Variants in ANO4 observed in about 807,000 individuals in gnomAD.
The protein encoded by ANO4 is anoctamin-4.
In ANO4, 69 loss-of-function variants were observed where a neutral mutation model predicts 141.9. The observed-to-expected ratio is 0.49, with a 90% confidence interval of 0.40 to 0.59. ANO4 has a LOEUF of 0.59. Ranked by LOEUF, ANO4 falls within the 20% of genes least tolerant of loss-of-function variation. The pLI is 0.00. For synonymous variants in ANO4, 350 were observed against 394.3 expected, an observed-to-expected ratio of 0.89 and a Z score of 1.33; for missense variants, 894 against 1,162.2, an observed-to-expected ratio of 0.77 and a Z score of 3.36.
At chr12:101,050,459 G>T (rs2047813876) in intron 14 of ANO4, among the ~76,000 whole-genome samples, 2 of 152,092 alleles carry the variant, frequency 1.3e-5, no homozygotes, top group South Asian at 4.1e-4. Flanking sequence ...TTACAGGCCT[G>T]AGCTCTCAGA....
At chr12:101,002,460 C>T (rs538961494) in intron 8 of ANO4, among the ~76,000 whole-genome samples, 1 of 152,320 alleles carries the variant, frequency 6.6e-6, no homozygotes, top group South Asian at 2.1e-4. Context: ...CTTCACATGG[C>T]ATACAAAACT....
exon 3 of ANO4, chr12:100,740,004 C>G (rs754611960): frequency 1.4e-6 from 1 of 702,634 alleles, no homozygotes; most frequent in Admixed American, 2.0e-5. Context: ...ACCCGCAAGA[C>G]TGACCAGGCC....
intron 3 of ANO4, among the ~76,000 whole-genome samples, chr12:100,749,452 A>G (rs898440907): frequency 2.3e-4 from 35 of 152,346 alleles, no homozygotes; most frequent in African/African-American, 7.7e-4. Context: ...CAAATTTCCT[A>G]TTTTCCTAAA....
At chr12:101,000,583 T>C (rs1474601065) in intron 8 of ANO4, among the ~76,000 whole-genome samples, 1 of 152,214 alleles carries the variant, frequency 6.6e-6, no homozygotes. Flanking sequence ...TGCAGTTACT[T>C]ATTCGGCATT....
In ANO4 at chr12:101,043,531, T is replaced by C. The variant is rs2047497844; in HGVS notation, c.1155-8T>C. 1.2e-6 allele frequency: 2 copies of C among 1,606,574 alleles called. No homozygotes were observed. The highest frequency in any genetic ancestry group is 1.7e-6 in the Non-Finnish European group (2 of 1,173,464). On this transcript the variant is annotated splice_region_variant and splice_polypyrimidine_tract_variant and intron_variant, in intron 12 of 27. Transcript: ENST00000392977. ...TCAAAAAGCAGTCCTTTCTGTTCTCTTTTCCAGTAAAGAAGTCTGCCAAGC... is the reference window on the plus strand; with the variant it reads ...TCAAAAAGCAGTCCTTTCTGTTCTCCTTTCCAGTAAAGAAGTCTGCCAAGC...
intron 1 of ANO4, among the ~76,000 whole-genome samples, chr12:100,804,973 G>A (rs116252795): frequency 0.022 from 3,357 of 152,104 alleles, 92 homozygotes; most frequent in African/African-American, 0.063. Flanking sequence ...CCATTTGTCC[G>A]TTTTTGCTTT....
At chr12:100,966,976 T>A (rs1278816292) in intron 5 of ANO4, among the ~76,000 whole-genome samples, 2 of 151,962 alleles carry the variant, frequency 1.3e-5, no homozygotes, top group African/African-American at 4.8e-5. Flanking sequence ...ATGGCATTTC[T>A]CCTGCCTTAC....
chr12:100,755,126 TC>T (rs1419433365), intron 3 of ANO4, among the ~76,000 whole-genome samples: 1 of 152,198 alleles, frequency 6.6e-6, no homozygotes, highest in East Asian at 1.9e-4. Context: ...GTAGTTTGAG[TC>T]CAGATTTCAT....
At chr12:101,124,725 G>T (rs1305069239) in intron 26 of ANO4, among the ~76,000 whole-genome samples, 1 of 152,080 alleles carries the variant, frequency 6.6e-6, no homozygotes, top group Non-Finnish European at 1.5e-5. Context: ...ATTAAGTAGG[G>T]AATCCTTTCC....
chr12:100,970,620 ATC>A (rs1420026613), intron 5 of ANO4, among the ~76,000 whole-genome samples: 2 of 150,826 alleles, frequency 1.3e-5, no homozygotes, highest in Admixed American at 1.3e-4. Context: ...ACTCAATATT[ATC>A]TGAGTCTTCC....
At chr12:100,806,130 CA>C (rs949548066) in intron 1 of ANO4, among the ~76,000 whole-genome samples, 98 of 152,244 alleles carry the variant, frequency 6.4e-4, no homozygotes, top group African/African-American at 2.3e-3. Flanking sequence ...TTTGTATAAA[CA>C]GGGGCAGGTG....
intron 1 of ANO4, among the ~76,000 whole-genome samples, chr12:100,822,973 A>G (rs920462183): frequency 2.0e-5 from 3 of 151,896 alleles, no homozygotes; most frequent in South Asian, 2.1e-4. Context: ...CTCTTTCTGC[A>G]TTATTTGCTT....
At chr12:100,933,643 G>A (rs545014796) in intron 3 of ANO4, among the ~76,000 whole-genome samples, 5 of 152,202 alleles carry the variant, frequency 3.3e-5, no homozygotes, top group Non-Finnish European at 7.3e-5. Context: ...CCAGTAATGG[G>A]ATTGCTGGAA....
intron 17 of ANO4, among the ~76,000 whole-genome samples, chr12:101,087,314 T>C (rs977498104): frequency 6.6e-6 from 1 of 150,614 alleles, no homozygotes; most frequent in Admixed American, 6.6e-5. Flanking sequence ...GCCCAGGAGT[T>C]CAAGACCAGC....
At chr12:101,056,641 C>T (rs903421431) in intron 14 of ANO4, among the ~76,000 whole-genome samples, 2 of 151,954 alleles carry the variant, frequency 1.3e-5, no homozygotes, top group East Asian at 3.9e-4. Flanking sequence ...AAGTTATGTA[C>T]TAGACATCCT....
At chr12:100,869,612 G>C (rs1013391927) in intron 1 of ANO4, among the ~76,000 whole-genome samples, 2 of 152,166 alleles carry the variant, frequency 1.3e-5, no homozygotes, top group Non-Finnish European at 2.9e-5. Flanking sequence ...CTTTTGTTAG[G>C]CTCTGAGCTT....
intron 15 of ANO4, among the ~76,000 whole-genome samples, chr12:101,079,961 C>T (rs1364397845): frequency 6.6e-6 from 1 of 152,312 alleles, no homozygotes; most frequent in Non-Finnish European, 1.5e-5. Context: ...GTGGTCACCA[C>T]GGTCCCCTCT....
At chr12:101,102,579 A>G (rs1285135344) in intron 22 of ANO4, among the ~76,000 whole-genome samples, 1 of 151,720 alleles carries the variant, frequency 6.6e-6, no homozygotes, top group African/African-American at 2.4e-5. Flanking sequence ...TTTGTTATTT[A>G]TATATTCTGG....
At chr12:100,862,802 A>G (rs1444079761) in intron 1 of ANO4, among the ~76,000 whole-genome samples, 1 of 152,210 alleles carries the variant, frequency 6.6e-6, no homozygotes. Flanking sequence ...CCACTTCGGT[A>G]TAATGTCATG....
Sources: gnomAD v4.1 joint callset for allele counts (sites outside exome capture counted in the v4.1 genomes callset) on GRCh38, gnomAD v4.1.1 for gene constraint, MANE v1.5 for transcripts, NCBI Gene and HGNC (gene_info 2026-07-23, HGNC 2026-07-21) for gene names.